The following DNAH14 variants were observed in gnomAD, a reference collection of about 807,000 sequenced individuals.
The protein encoded by DNAH14 is dynein axonemal heavy chain 14, also known as axonemal beta dynein heavy chain 14.
In DNAH14, 478 loss-of-function variants were observed where a neutral mutation model predicts 520.9. The observed-to-expected ratio is 0.92, with a 90% confidence interval of 0.85 to 0.99. The LOEUF (loss-of-function observed/expected upper bound fraction) is 0.99. Among genes scored for constraint, DNAH14 ranks in the 50% least tolerant of loss-of-function variants. The probability of loss-of-function intolerance (pLI) is 0.00; values close to 1 mark genes in which losing one functional copy is unlikely to be tolerated. For synonymous variants in DNAH14, 1,581 were observed against 1,757.2 expected, an observed-to-expected ratio of 0.90 and a Z score of 2.51; for missense variants, 4,831 against 5,234.5, an observed-to-expected ratio of 0.92 and a Z score of 2.38.
At chr1:225,015,641 C>A (rs546851111) in intron 10 of DNAH14, among the ~76,000 whole-genome samples, 1 of 152,112 alleles carries the variant, frequency 6.6e-6, no homozygotes, top group Middle Eastern at 3.2e-3. Flanking sequence ...GGGTAAACAA[C>A]GTTTACCCCA....
rs141552093 is a variant in DNAH14, at chr1:225,018,541, G to C, written c.1108-5074G>C. ...AACTTGCAAATTCAAGAAATTCAGA[G>C]AACTCCTGTGTGAAGGAGTTGATCA... On this transcript the variant is annotated intron_variant, in intron 10 of 85. Coordinates refer to ENST00000682510, the MANE Select transcript of DNAH14 (RefSeq NM_001367479.1). Among the ~76,000 whole-genome samples, 13 of 152,178 alleles carry C rather than the reference G, an allele frequency of 8.5e-5. No homozygotes were observed. In the East Asian group the frequency reaches 2.1e-3, roughly 25 times the overall value.
In DNAH14 at chr1:225,117,942, G is replaced by A. The variant is rs1448821246; in HGVS notation, c.4034G>A (p.Gly1345Asp). Residue 1345 changes from glycine to aspartate, a missense_variant, in exon 25 of 86, where the codon GGC (glycine) becomes GAC (aspartate). By Grantham distance (94) the Gly-to-Asp change is moderately conservative (BLOSUM62 -1). Coordinates refer to ENST00000682510, the MANE Select transcript of DNAH14 (RefSeq NM_001367479.1). The part of the protein sequence containing the change: ...KQLLIWKQDI[G>D]PPAVKMLISA... The stretch of plus-strand genomic sequence containing the variant: ...TTATTGATATGGAAACAAGACATTG[G>A]CCCTCCTGCTGTAAAAATGCTAATA... 1.3e-6 allele frequency: 2 copies of A among 1,551,470 alleles called. No individual in the cohort carries two copies. The highest frequency in any genetic ancestry group is 1.7e-6 in the Non-Finnish European group (2 of 1,146,856).
chr1:225,355,157 G>A (rs79576104), intron 73 of DNAH14, among the ~76,000 whole-genome samples: 6,287 of 152,294 alleles, frequency 0.041, 186 homozygotes, highest in Middle Eastern at 0.075. Context: ...TGGAGGCTGG[G>A]AGTCTAACAT....
At chr1:225,006,955 T>G (rs777806559) in intron 9 of DNAH14, among the ~76,000 whole-genome samples, 1 of 152,212 alleles carries the variant, frequency 6.6e-6, no homozygotes, top group Non-Finnish European at 1.5e-5. Flanking sequence ...TCTTTTGTAC[T>G]CTTTCTCTTT....
rs1469020470 is a variant in DNAH14, at chr1:225,380,198, A to G, written c.12756A>G (p.Leu4252=). The G allele has an allele frequency of 6.4e-7, 1 of 1,551,470 alleles. No individual in the cohort carries two copies. The highest frequency in any genetic ancestry group is 1.4e-5 in the African/African-American group (1 of 73,024). ...QSKDELVMEI[L]SDLLKRLPLT... ...AGGATGAACTGGTGATGGAAATTCTATCCGACTTGCTAAAGCGGCTGCCAC... is the reference window on the plus strand; with the variant it reads ...AGGATGAACTGGTGATGGAAATTCTGTCCGACTTGCTAAAGCGGCTGCCAC... Residue 4252 remains leucine, a synonymous_variant, in exon 80 of 86, where the codon CTA becomes CTG. Transcript: ENST00000682510.
At chr1:224,932,157 CT>C (rs974156134) in intron 1 of DNAH14, among the ~76,000 whole-genome samples, 2 of 152,080 alleles carry the variant, frequency 1.3e-5, no homozygotes, top group Admixed American at 1.3e-4. Flanking sequence ...GCCATTCTGA[CT>C]GGGGTAGGAT....
chr1:225,285,449 G>A (rs565420714), intron 54 of DNAH14, among the ~76,000 whole-genome samples: 5 of 152,162 alleles, frequency 3.3e-5, no homozygotes, highest in East Asian at 3.9e-4. Flanking sequence ...TCAGGGTGAC[G>A]CAGGAGAATT....
intron 84 of DNAH14, 107 bp from the exon 85 acceptor site, chr1:225,398,413 T>C: frequency 7.4e-7 from 1 of 1,354,052 alleles, no homozygotes; most frequent in Non-Finnish European, 9.9e-7. Flanking sequence ...CAACATGCCT[T>C]AGGCAGGATG....
In DNAH14 at chr1:225,087,050, A is replaced by G. The variant is rs1052253169; in HGVS notation, c.3573+1261A>G. ...CACACACACACAGCCTTCTACTTCT[A>G]AGCAAGATGGAGTTTGGGGACCAGA... On this transcript the variant is annotated intron_variant, in intron 21 of 85. Coordinates refer to ENST00000682510, the MANE Select transcript of DNAH14 (RefSeq NM_001367479.1). 4.6e-5 allele frequency among the ~76,000 whole-genome samples: 7 copies of G among 150,842 alleles called. No homozygotes were observed. The East Asian group carries it at 1.2e-3, about 25-fold the overall frequency.
intron 15 of DNAH14, among the ~76,000 whole-genome samples, chr1:225,045,096 T>C (rs2067829049): frequency 6.6e-6 from 1 of 152,052 alleles, no homozygotes; most frequent in African/African-American, 2.4e-5. Context: ...TCTATGTTGA[T>C]CTTTCTTAAA....
At chr1:225,038,924 T>A in intron 12 of DNAH14, 101 bp downstream of exon 12, 1 of 1,008,058 alleles carries the variant, frequency 9.9e-7, no homozygotes, top group South Asian at 1.9e-5. Context: ...CACAAGCCCT[T>A]ACCCAACATA....
intron 41 of DNAH14, among the ~76,000 whole-genome samples, chr1:225,223,652 G>A (rs2149522224): frequency 6.6e-6 from 1 of 152,178 alleles, no homozygotes; most frequent in South Asian, 2.1e-4. Context: ...CCTGAAGATT[G>A]GCCTCTAGTC....
chr1:225,335,256 GCA>G lies in DNAH14; in HGVS notation c.10080+1753_10080+1754del, dbSNP rs535962760. 2.8e-3 allele frequency among the ~76,000 whole-genome samples: 372 copies of G among 132,318 alleles called. 10 individuals are homozygous for G. Among genetic ancestry groups the G allele is most frequent in the African/African-American group, 0.01 (351 of 33,894 alleles). The allele number at this position is 132,318 out of a possible 152,430, so 86.8% of individuals were successfully genotyped here. A position where few individuals can be genotyped will look rare whatever the true frequency, so the allele number is the denominator to read the frequency against. ...ACACATGTGTACATTGTGTGTATAT[GCA>G]CATATACACGTGTACATTGTGTGTA... is the stretch of plus-strand genomic sequence containing the variant. On this transcript the variant is annotated intron_variant, in intron 66 of 85. Coordinates refer to ENST00000682510, the MANE Select transcript of DNAH14 (RefSeq NM_001367479.1).
chr1:225,282,436 A>G (rs2093647005), intron 54 of DNAH14, among the ~76,000 whole-genome samples: 1 of 152,202 alleles, frequency 6.6e-6, no homozygotes, highest in Non-Finnish European at 1.5e-5. Flanking sequence ...CAATGCTGGA[A>G]AGGAAGCTTG....
chr1:224,934,153 G>C (rs1398107892), intron 1 of DNAH14, among the ~76,000 whole-genome samples: 2 of 151,446 alleles, frequency 1.3e-5, no homozygotes, highest in Non-Finnish European at 2.9e-5. Context: ...ACCTCCGAAG[G>C]AACACAGTAA....
chr1:225,185,370 C>A lies in DNAH14; in HGVS notation c.5615C>A (p.Thr1872Lys). ...AGAAGAATTTTGGAAAAAGCATTAA[C>A]GCTATTACCAATTGCAGACTTCTTA... is the stretch of plus-strand genomic sequence containing the variant. Reference protein sequence around the residue: ...TVRRILEKALTLLPIADFLSV... With the variant: ...TVRRILEKALKLLPIADFLSV... Residue 1872 changes from threonine to lysine, a missense_variant, in exon 37 of 86, where the codon ACG becomes AAG. Thr to Lys is a moderately conservative substitution (Grantham distance 78). Coordinates refer to ENST00000682510, the MANE Select transcript of DNAH14 (RefSeq NM_001367479.1). The A allele has an allele frequency of 1.9e-6, 3 of 1,545,384 alleles. No homozygotes were observed. The highest frequency in any genetic ancestry group is 2.6e-6 in the Non-Finnish European group (3 of 1,144,442).
chr1:225,049,616 A>T (rs2148294172), intron 15 of DNAH14, among the ~76,000 whole-genome samples: 1 of 152,248 alleles, frequency 6.6e-6, no homozygotes, highest in East Asian at 1.9e-4. Flanking sequence ...CTTTTTGCCT[A>T]ACTCAAGATC....
intron 10 of DNAH14, among the ~76,000 whole-genome samples, chr1:225,016,442 A>G (rs2065220745): frequency 6.6e-6 from 1 of 152,154 alleles, no homozygotes; most frequent in East Asian, 1.9e-4. Flanking sequence ...ATTCCCTTAT[A>G]TGTGACTTGA....
chr1:225,074,592 T>TATCA (rs1210383289), intron 17 of DNAH14, among the ~76,000 whole-genome samples: 8 of 152,098 alleles, frequency 5.3e-5, no homozygotes, highest in Admixed American at 5.2e-4. Context: ...TTCTAATCTC[T>TATCA]ATCACATGGA....
Sources: allele counts gnomAD v4.1 joint callset (sites outside exome capture counted in the v4.1 genomes callset), GRCh38; gene constraint gnomAD v4.1.1; transcripts MANE v1.5; gene names NCBI Gene and HGNC (gene_info 2026-07-23, HGNC 2026-07-21).